Variants in ZNF682 observed in about 807,000 individuals in gnomAD.
The protein encoded by ZNF682 is zinc finger protein 682.
A neutral mutation model predicts 36.5 loss-of-function variants in ZNF682; 29 were observed. The ratio of observed to expected loss-of-function variants is 0.80; its 90% CI spans 0.59 to 1.08. The LOEUF (loss-of-function observed/expected upper bound fraction) is 1.08, where lower values mean the gene tolerates loss of function less well. ZNF682 is among the 50% of genes least tolerant of loss of function. The pLI is 0.00. For missense variants in ZNF682, 561 were observed against 579.7 expected (o/e 0.97, Z 0.33); for synonymous variants, 180 against 197.0 (o/e 0.91, Z 0.72).
Position 20,006,585 on chromosome 19 carries a change from A to G in ZNF682, c.917T>C (p.Ile306Thr). 1 of 1,614,110 alleles carries G rather than the reference A, an allele frequency of 6.2e-7. No homozygotes were observed. Among genetic ancestry groups the G allele is most frequent in the Non-Finnish European group, 8.5e-7 (1 of 1,180,004 alleles). The change falls in exon 4 of 4, where the codon ATT becomes ACT. Residue 306 changes from isoleucine to threonine, a missense_variant. Ile to Thr is a moderately conservative substitution (Grantham distance 89, BLOSUM62 -1). Transcript: ENST00000397165. ...TTTGTAGGGTTTCTTTCCAGTGTGA[A>G]TTGTCTTATGTTTGGTGAGATGTGA... ...RHSHLTKHKTIHTGKKPYKCK... is the reference protein window; with the variant it reads ...RHSHLTKHKTTHTGKKPYKCK...
chr19:20,023,049 C>T lies in ZNF682; in HGVS notation c.181G>A (p.Glu61Lys). The T allele has an allele frequency of 6.2e-7, 1 of 1,614,058 alleles. No individual in the cohort carries two copies. The highest frequency in any genetic ancestry group is 8.5e-7 in the Non-Finnish European group (1 of 1,179,956). The change falls in exon 3 of 4, where the codon GAG becomes AAG. Residue 61 changes from glutamate to lysine, a missense_variant. By Grantham distance (56) the Glu-to-Lys change is moderately conservative. Transcript: ENST00000397165. ...ELISRLEQRQ[E>K]PWNVKRHETI... is the part of the protein sequence containing the mutation. Reference sequence around the variant, plus strand: ...TCATGTCTCTTCACATTCCAGGGCTCCTGTCTTTGCTCCAGACGGCTAATC... The same window carrying T: ...TCATGTCTCTTCACATTCCAGGGCTTCTGTCTTTGCTCCAGACGGCTAATC...
chr19:20,014,946 G>A (rs1224851886), intron 3 of ZNF682, among the ~76,000 whole-genome samples: 1 of 152,162 alleles, frequency 6.6e-6, no homozygotes, highest in Non-Finnish European at 1.5e-5. Flanking sequence ...AGAGGTGTTT[G>A]TAAAGGGTCA....
At chr19:20,029,215 T>C (rs941137951) in intron 1 of ZNF682, among the ~76,000 whole-genome samples, 1 of 150,786 alleles carries the variant, frequency 6.6e-6, no homozygotes, top group Non-Finnish European at 1.5e-5. Flanking sequence ...CTGACCTCAG[T>C]TGATCTGCCT....
At chr19:20,028,492 G>T (rs1027255438) in intron 1 of ZNF682, among the ~76,000 whole-genome samples, 5 of 152,104 alleles carry the variant, frequency 3.3e-5, no homozygotes, top group Non-Finnish European at 4.4e-5. Flanking sequence ...GATTACAGGT[G>T]TGAGTCACCG....
intron 1 of ZNF682, among the ~76,000 whole-genome samples, chr19:20,025,609 G>A (rs1384116039): frequency 2.6e-5 from 4 of 151,738 alleles, no homozygotes; most frequent in South Asian, 4.2e-4. Flanking sequence ...TGTGGGAGGC[G>A]GAGATTGCAG....
At chr19:20,023,822 A>G (rs2088408558) in intron 2 of ZNF682, among the ~76,000 whole-genome samples, 1 of 151,980 alleles carries the variant, frequency 6.6e-6, no homozygotes, top group Admixed American at 6.6e-5. Context: ...TCTTTACTAA[A>G]AATACAAAAA....
intron 3 of ZNF682, among the ~76,000 whole-genome samples, chr19:20,014,972 G>A (rs1159846825): frequency 6.6e-6 from 1 of 152,102 alleles, no homozygotes; most frequent in Non-Finnish European, 1.5e-5. Flanking sequence ...GGGGGAAAAT[G>A]AGTAGTTTCG....
chr19:20,022,294 G>A (rs576305319), intron 3 of ZNF682, among the ~76,000 whole-genome samples: 3 of 151,272 alleles, frequency 2.0e-5, no homozygotes, highest in African/African-American at 4.9e-5. Context: ...CCGTTATCAC[G>A]AATACTCTCA....
At chr19:20,031,282 G>A (rs1167657879) in intron 1 of ZNF682, among the ~76,000 whole-genome samples, 1 of 152,190 alleles carries the variant, frequency 6.6e-6, no homozygotes, top group Non-Finnish European at 1.5e-5. Context: ...GGTCATGGCT[G>A]TAGATATTTT....
chr19:20,013,417 T>C (rs1599606700), intron 3 of ZNF682, among the ~76,000 whole-genome samples: 1 of 152,220 alleles, frequency 6.6e-6, no homozygotes, highest in East Asian at 1.9e-4. Flanking sequence ...AGTAATAAGT[T>C]ATAAAGCAAG....
At chr19:20,012,959 A>G (rs1207816461) in intron 3 of ZNF682, among the ~76,000 whole-genome samples, 1 of 152,020 alleles carries the variant, frequency 6.6e-6, no homozygotes, top group Non-Finnish European at 1.5e-5. Context: ...GGCAATAGTA[A>G]CCCCTTCTCT....
At chr19:20,024,576 G>A (rs1487710501) in intron 1 of ZNF682, among the ~76,000 whole-genome samples, 200 bp from the exon 2 acceptor site, 2 of 152,306 alleles carry the variant, frequency 1.3e-5, no homozygotes, top group East Asian at 1.9e-4. Context: ...GGTGGCTCAC[G>A]CCTGTAATCC....
downstream of ZNF682, among the ~76,000 whole-genome samples, chr19:20,002,228 G>A (rs923634649): frequency 1.8e-4 from 27 of 150,224 alleles, no homozygotes; most frequent in African/African-American, 6.4e-4. Flanking sequence ...GACTACAGGC[G>A]TGTGCCACCA....
intron 3 of ZNF682, among the ~76,000 whole-genome samples, chr19:20,022,736 C>A (rs1299023339): frequency 6.6e-6 from 1 of 152,066 alleles, no homozygotes; most frequent in Non-Finnish European, 1.5e-5. Context: ...TGCCCCAAGA[C>A]AATGAAAGGG....
At chr19:19,999,000 T>G (rs986963503) in intron 3 of ZNF682, among the ~76,000 whole-genome samples, 1 of 152,074 alleles carries the variant, frequency 6.6e-6, no homozygotes, top group African/African-American at 2.4e-5. Flanking sequence ...GGGGCATCAT[T>G]AAGTCCTGAA....
Position 20,006,511 on chromosome 19 carries a change from G to A in ZNF682, c.991C>T (p.His331Tyr), listed in dbSNP as rs1406364197. 6.2e-7 allele frequency: 1 copy of A among 1,614,116 alleles called. No homozygotes were observed. Residue 331 changes from histidine (H) to tyrosine (Y), a missense_variant, in exon 4 of 4, where the codon CAT becomes TAT. Physicochemically the swap from His to Tyr is moderately conservative, Grantham distance 83. Coordinates refer to ENST00000397165, the MANE Select transcript of ZNF682 (RefSeq NM_033196.3). ...AFNHCSLLTI[H>Y]ERTHTGEKPY... The stretch of plus-strand genomic sequence containing the variant: ...TTCTCTCCCGTATGGGTTCTCTCAT[G>A]TATAGTAAGTAGTGAGCAGTGGTTA...
intron 1 of ZNF682, chr19:20,034,307 A>G (rs1244054294): frequency 2.0e-5 from 3 of 152,214 alleles, no homozygotes; most frequent in African/African-American, 7.2e-5. Context: ...ATTGGAAGCC[A>G]TCTAACAACA....
chr19:20,037,372 A>C (rs796475282), intron 1 of ZNF682, among the ~76,000 whole-genome samples: 1 of 152,194 alleles, frequency 6.6e-6, no homozygotes, highest in African/African-American at 2.4e-5. Context: ...ATGAGACTAT[A>C]ATCAGGTGGC....
At chr19:20,027,044 GAAC>G (rs2088438018) in intron 1 of ZNF682, among the ~76,000 whole-genome samples, 1 of 152,168 alleles carries the variant, frequency 6.6e-6, no homozygotes, top group South Asian at 2.1e-4. Flanking sequence ...AACGAAAAGA[GAAC>G]ATCACCCCTG....
Sources: allele counts gnomAD v4.1 joint callset (sites outside exome capture counted in the v4.1 genomes callset), GRCh38; gene constraint gnomAD v4.1.1; transcripts MANE v1.5; gene names NCBI Gene and HGNC (gene_info 2026-07-23, HGNC 2026-07-21).